CLSTN3: variants seen among roughly 807,000 people sequenced by gnomAD.
CLSTN3 encodes the protein calsyntenin-3.
In CLSTN3, 36 loss-of-function variants were observed where a neutral mutation model predicts 95.9. The observed-to-expected ratio is 0.38, with a 90% CI of 0.29 to 0.50. CLSTN3 has a LOEUF of 0.50. Among genes scored for constraint, CLSTN3 ranks in the 20% least tolerant of loss-of-function variants. The pLI is 0.95. For missense variants in CLSTN3, 1,084 were observed against 1,268.8 expected, an observed-to-expected ratio of 0.85 and a Z score of 2.21; for synonymous variants, 481 against 504.0, an observed-to-expected ratio of 0.95 and a Z score of 0.61.
chr12:7,131,966 C>T (rs982879528), intron 1 of CLSTN3: 9 of 452,672 alleles, frequency 2.0e-5, no homozygotes, highest in African/African-American at 1.8e-4. Context: ...TTTCCCTCTG[C>T]CTCATGATTG....
intron 16 of CLSTN3, chr12:7,156,552 C>A (rs917362536): frequency 2.2e-6 from 1 of 456,758 alleles, no homozygotes; most frequent in South Asian, 1.5e-5. Flanking sequence ...TGTGAGCAGG[C>A]GGCCAGGTGG....
At chr12:7,145,032 C>T (rs941604756) in intron 12 of CLSTN3, among the ~76,000 whole-genome samples, 14 of 152,164 alleles carry the variant, frequency 9.2e-5, no homozygotes, top group Non-Finnish European at 1.6e-4. Flanking sequence ...GCCTCGTCCC[C>T]TCCAGTGCTG....
In CLSTN3 at chr12:7,133,304, A is replaced by C. The variant is rs1020793628; in HGVS notation, c.187+158A>C. On this transcript the variant is annotated intron_variant, in intron 2 of 17. Coordinates refer to ENST00000266546, the MANE Select transcript of CLSTN3 (RefSeq NM_014718.4). The surrounding 1 kb of genome is among the most constrained non-coding windows in gnomAD (Gnocchi z 4.7). ...GGGAATGGTCTCCACTGAAGAATGG[A>C]GATTGAGTCAAGGATGCCAGAAAAG... Among the ~76,000 whole-genome samples, 3 of 152,126 alleles carry C rather than the reference A, an allele frequency of 2.0e-5. No homozygotes were observed. Among genetic ancestry groups the C allele is most frequent in the African/African-American group, 7.2e-5 (3 of 41,406 alleles).
Position 7,143,200 on chromosome 12 carries a change from A to T in CLSTN3, c.1736A>T (p.Glu579Val), listed in dbSNP as rs1244315374. ...VNPSQSLLTL[E>V]GDDVETFNHA... ...CCCTCACAGTCCCTGCTCACCCTGG[A>T]GGGGGATGATGTGGAGACCTTCAAC... The change falls in exon 12 of 18, where the codon GAG (glutamate) becomes GTG (valine). Residue 579 changes from glutamate to valine, a missense_variant. Coordinates refer to ENST00000266546, the MANE Select transcript of CLSTN3 (RefSeq NM_014718.4). 6.2e-7 allele frequency: 1 copy of T among 1,613,984 alleles called. No individual in the cohort carries two copies. The highest frequency in any genetic ancestry group is 8.5e-7 in the Non-Finnish European group (1 of 1,180,000).
chr12:7,147,339 C>T (rs938740443), intron 12 of CLSTN3, among the ~76,000 whole-genome samples: 5 of 117,784 alleles, frequency 4.2e-5, no homozygotes, highest in Non-Finnish European at 8.0e-5. Flanking sequence ...GCAGAGGTTG[C>T]AGTGAGCTGA....
chr12:7,142,166 C>G, intron 10 of CLSTN3, 27 bp downstream of exon 10: 2 of 1,570,760 alleles, frequency 1.3e-6, no homozygotes, highest in Non-Finnish European at 1.7e-6. Context: ...AACTGGAGAC[C>G]AGAGAGTTCT....
In CLSTN3 at chr12:7,149,433, G is replaced by C. The variant is rs1385868100; in HGVS notation, c.2075-90G>C. On this transcript the variant is annotated intron_variant, in intron 13 of 17. Coordinates refer to ENST00000266546, the MANE Select transcript of CLSTN3 (RefSeq NM_014718.4). This position sits in a 1 kb window ranked among gnomAD's most constrained non-coding sequence, Gnocchi z 4.5. Reference sequence around the variant, plus strand: ...CTTCCCTCTCCCTGGCCCTGGAAAGGGAGGGAGAGTGGTGATGAGGGCATG... The same window carrying C: ...CTTCCCTCTCCCTGGCCCTGGAAAGCGAGGGAGAGTGGTGATGAGGGCATG... 1 of 1,247,060 alleles carries C rather than the reference G, an allele frequency of 8.0e-7. No homozygotes were observed. The highest frequency in any genetic ancestry group is 1.1e-6 in the Non-Finnish European group (1 of 878,768). The allele number at this position is 1,247,060 out of a possible 1,614,324, so 77.2% of individuals were successfully genotyped here.
Position 7,150,939 on chromosome 12 carries a change from G to A in CLSTN3, c.2403G>A (p.Leu801=). The A allele has an allele frequency of 6.2e-7, 1 of 1,606,604 alleles. No individual in the cohort carries two copies. Among genetic ancestry groups the A allele is most frequent in the Non-Finnish European group, 8.5e-7 (1 of 1,175,500 alleles). ...SNEFIVEVNV[L]HSMNRVAHPS... is the part of the protein sequence containing the mutation. The stretch of plus-strand genomic sequence containing the variant: ...CTCCCTCTGCCCAGGTCAATGTCCT[G>A]CACAGCATGAACCGGGTTGCCCACC... Residue 801 remains leucine, a synonymous_variant, in exon 16 of 18, where the codon CTG becomes CTA. Transcript: ENST00000266546. This position sits in a 1 kb window ranked among gnomAD's most constrained non-coding sequence, Gnocchi z 4.0.
Position 7,157,877 on chromosome 12 carries a change from T to C in CLSTN3, c.2731-64T>C. 6.5e-7 allele frequency: 1 copy of C among 1,540,976 alleles called. No homozygotes were observed. Among genetic ancestry groups the C allele is most frequent in the Non-Finnish European group, 8.7e-7 (1 of 1,144,974 alleles). On this transcript the variant is annotated intron_variant, in intron 17 of 17. Transcript: ENST00000266546. This position sits in a 1 kb window ranked among gnomAD's most constrained non-coding sequence, Gnocchi z 5.9. ...AGGGGACCGAGGGAAGTGTGGTCCC[T>C]GAAAGAGAGGCTGGGATGTGTGCAG...
intron 1 of CLSTN3, 22 bp downstream of exon 1, chr12:7,130,734 G>T (rs1422240005): frequency 6.6e-7 from 1 of 1,526,050 alleles, no homozygotes; most frequent in South Asian, 1.2e-5. Context: ...GGGGGTGGGG[G>T]TACCGAAAGA....
rs1413630484 is a variant in CLSTN3, at chr12:7,141,728, A to G, written c.1486+324A>G. Among the ~76,000 whole-genome samples the G allele has an allele frequency of 6.6e-6, 1 of 152,168 alleles. No homozygotes were observed. The highest frequency in any genetic ancestry group is 2.4e-5 in the African/African-American group (1 of 41,432). Reference sequence around the variant, plus strand: ...ATAGCCCATTCCCCTGCTCAAGGAGAGTAACCCCTTAGAGTGTCCTCGGTC... The same window carrying G: ...ATAGCCCATTCCCCTGCTCAAGGAGGGTAACCCCTTAGAGTGTCCTCGGTC... On this transcript the variant is annotated intron_variant, in intron 9 of 17. Transcript: ENST00000266546. This position sits in a 1 kb window ranked among gnomAD's most constrained non-coding sequence, Gnocchi z 4.1.
At chr12:7,140,624 T>C (rs138581030) in intron 8 of CLSTN3, among the ~76,000 whole-genome samples, 133 of 152,226 alleles carry the variant, frequency 8.7e-4, no homozygotes, top group Middle Eastern at 3.4e-3. Flanking sequence ...TAGTGCTTAA[T>C]GTTGGGTTAG....
rs1939843031 is a variant in CLSTN3, at chr12:7,157,633, A to G, written c.2672A>G (p.Lys891Arg). Reference sequence around the variant, plus strand: ...CCTCCAGGGGCCTCCAGTGACCCCAAGGACCCAGACCTCTTCTGGGATGAC... The same window carrying G: ...CCTCCAGGGGCCTCCAGTGACCCCAGGGACCCAGACCTCTTCTGGGATGAC... ...GGPPGASSDPKDPDLFWDDSA... is the reference protein window; with the variant it reads ...GGPPGASSDPRDPDLFWDDSA... Residue 891 changes from lysine (K) to arginine (R), a missense_variant, in exon 17 of 18, where the codon AAG (lysine) becomes AGG (arginine). Transcript: ENST00000266546. This position sits in a 1 kb window ranked among gnomAD's most constrained non-coding sequence, Gnocchi z 5.9. The G allele has an allele frequency of 1.9e-6, 3 of 1,609,638 alleles. No homozygotes were observed. The highest frequency in any genetic ancestry group is 2.5e-6 in the Non-Finnish European group (3 of 1,178,136).
chr12:7,143,338 T>C (rs1188696362), intron 12 of CLSTN3, 27 bp downstream of exon 12: 1 of 1,595,406 alleles, frequency 6.3e-7, no homozygotes, highest in African/African-American at 1.3e-5. Context: ...GCAGGGCAAA[T>C]CACCAAGCAG....
In CLSTN3 at chr12:7,133,224, G is replaced by A; in HGVS notation, c.187+78G>A. The stretch of plus-strand genomic sequence containing the variant: ...GGAGGGCCAAGAGCAAGGGAGGGAG[G>A]GAAGGTCCTGGGAGTGATGAGAAAG... On this transcript the variant is annotated intron_variant, in intron 2 of 17. Coordinates refer to ENST00000266546, the MANE Select transcript of CLSTN3 (RefSeq NM_014718.4). The surrounding 1 kb of genome is among the most constrained non-coding windows in gnomAD (Gnocchi z 4.7). 1.9e-6 allele frequency: 3 copies of A among 1,540,742 alleles called. No homozygotes were observed. Among genetic ancestry groups the A allele is most frequent in the Non-Finnish European group, 2.7e-6 (3 of 1,122,576 alleles).
intron 8 of CLSTN3, among the ~76,000 whole-genome samples, chr12:7,139,396 G>T (rs760886635): frequency 7.2e-5 from 11 of 152,062 alleles, no homozygotes; most frequent in Non-Finnish European, 1.5e-4. Context: ...AGAGGGAAGA[G>T]CATATGCAAA....
At chr12:7,142,802 C>A in intron 10 of CLSTN3, 67 bp from the exon 11 acceptor site, 1 of 1,368,740 alleles carries the variant, frequency 7.3e-7, no homozygotes, top group Non-Finnish European at 1.0e-6. Context: ...CCCTTTCTCT[C>A]AGCCTTCGTC....
At chr12:7,135,724 G>A (rs1031908336) in intron 4 of CLSTN3, 80 bp from the exon 5 acceptor site, 38 of 1,508,182 alleles carry the variant, frequency 2.5e-5, no homozygotes, top group Admixed American at 3.9e-5. Flanking sequence ...CCTGCTGCCC[G>A]ATGATCTCAG....
intron 12 of CLSTN3, among the ~76,000 whole-genome samples, chr12:7,146,519 G>A (rs770396550): frequency 6.6e-6 from 1 of 151,852 alleles, no homozygotes; most frequent in African/African-American, 2.4e-5. Flanking sequence ...TAAGCTTCTC[G>A]CCATCCACTC....
Sources: allele counts gnomAD v4.1 joint callset (sites outside exome capture counted in the v4.1 genomes callset), GRCh38; gene constraint gnomAD v4.1.1; non-coding constraint Gnocchi (gnomAD v3.1); transcripts MANE v1.5; gene names NCBI Gene and HGNC (gene_info 2026-07-23, HGNC 2026-07-21).